TANC2: variants seen among roughly 807,000 people sequenced by gnomAD.
TANC2 encodes the protein protein TANC2.
In TANC2, 26 loss-of-function variants were observed where a neutral mutation model predicts 210.5. The observed-to-expected ratio is 0.12, with a 90% CI of 0.09 to 0.17. The LOEUF (loss-of-function observed/expected upper bound fraction) is 0.17. Ranked by LOEUF, TANC2 falls within the 10% of genes least tolerant of loss-of-function variation. TANC2 has a pLI of 1.00. For synonymous variants in TANC2, 931 were observed against 967.1 expected (o/e 0.96, Z 0.69); for missense variants, 2,129 against 2,608.9 (o/e 0.82, Z 4.01).
intron 11 of TANC2, among the ~76,000 whole-genome samples, chr17:63,328,920 A>C (rs553498754): frequency 6.6e-6 from 1 of 152,260 alleles, no homozygotes; most frequent in South Asian, 2.1e-4. Flanking sequence ...ATGATTAGTC[A>C]ATCAAACATA....
intron 2 of TANC2, among the ~76,000 whole-genome samples, chr17:63,041,184 G>GA (rs1360121843): frequency 2.7e-5 from 4 of 150,254 alleles, no homozygotes; most frequent in South Asian, 2.1e-4. Flanking sequence ...TCCCCAAAAA[G>GA]AAAAAAAAAT....
At chr17:63,066,805 C>T (rs1188547065) in intron 2 of TANC2, among the ~76,000 whole-genome samples, 1 of 151,590 alleles carries the variant, frequency 6.6e-6, no homozygotes, top group African/African-American at 2.4e-5. Flanking sequence ...TCATGAAGTA[C>T]ATGCAGAGCA....
At chr17:63,183,852 C>T (rs912268741) in intron 5 of TANC2, among the ~76,000 whole-genome samples, 3 of 151,956 alleles carry the variant, frequency 2.0e-5, no homozygotes, top group South Asian at 4.2e-4. Flanking sequence ...CCCATCTCTA[C>T]GAAAAATACA....
chr17:63,376,316 G>A (rs559901378), intron 14 of TANC2, among the ~76,000 whole-genome samples: 224 of 152,040 alleles, frequency 1.5e-3, no homozygotes, highest in African/African-American at 5.0e-3. Context: ...GGTGGCAGGC[G>A]CCTGTAGTCC....
intron 2 of TANC2, among the ~76,000 whole-genome samples, chr17:63,073,594 A>G (rs1299118190): frequency 6.6e-6 from 1 of 152,220 alleles, no homozygotes; most frequent in African/African-American, 2.4e-5. Context: ...AGCAGCTGTA[A>G]TTAATTTAAA....
chr17:63,178,869 G>A (rs1033190469), intron 5 of TANC2, among the ~76,000 whole-genome samples: 4 of 152,120 alleles, frequency 2.6e-5, no homozygotes, highest in South Asian at 2.1e-4. Context: ...TTAGGAATTT[G>A]GATACATTGG....
At chr17:63,170,412 G>A (rs2040363986) in intron 5 of TANC2, among the ~76,000 whole-genome samples, 1 of 150,724 alleles carries the variant, frequency 6.6e-6, no homozygotes, top group Admixed American at 6.6e-5. Flanking sequence ...TCACAGCCTG[G>A]GCAACAGAGC....
chr17:63,086,491 G>C (rs553774625), intron 3 of TANC2, among the ~76,000 whole-genome samples: 2 of 152,052 alleles, frequency 1.3e-5, no homozygotes, highest in Non-Finnish European at 2.9e-5. Flanking sequence ...GCCATTAAAG[G>C]CATTCTTAAT....
chr17:62,988,794 A>C (rs954454371), intron 1 of TANC2, among the ~76,000 whole-genome samples: 5 of 152,202 alleles, frequency 3.3e-5, no homozygotes, highest in African/African-American at 1.2e-4. Context: ...GCACTCAGGT[A>C]TGGCTTTGAA....
At chr17:62,967,394 G>A (rs925250264) in intron 1 of TANC2, 2 of 152,158 alleles carry the variant, frequency 1.3e-5, no homozygotes, top group African/African-American at 2.4e-5. Flanking sequence ...ATAATTCCAG[G>A]TTTTGCCATC....
At chr17:63,142,539 G>T (rs2039325452) in intron 4 of TANC2, among the ~76,000 whole-genome samples, 1 of 152,014 alleles carries the variant, frequency 6.6e-6, no homozygotes, top group Non-Finnish European at 1.5e-5. Flanking sequence ...TCTTTTCAAA[G>T]AATTAAATTC....
At chr17:63,397,839 T>G (rs1002089672) in intron 18 of TANC2, among the ~76,000 whole-genome samples, 1 of 152,264 alleles carries the variant, frequency 6.6e-6, no homozygotes, top group African/African-American at 2.4e-5. Context: ...TTTATTTAAT[T>G]GCTATTTGAT....
chr17:63,350,873 A>AG (rs1349514056), intron 12 of TANC2, among the ~76,000 whole-genome samples: 8 of 102,028 alleles, frequency 7.8e-5, no homozygotes, highest in Non-Finnish European at 1.5e-4. Flanking sequence ...GCTGTCAGAT[A>AG]GGGAAAAAAA....
chr17:63,332,599 T>C (rs2045894245), intron 11 of TANC2: 3 of 245,596 alleles, frequency 1.2e-5, no homozygotes, highest in Non-Finnish European at 2.4e-5. Context: ...CTATGGCCAG[T>C]TGAAGTGACA....
intron 7 of TANC2, among the ~76,000 whole-genome samples, chr17:63,229,000 T>G (rs1193533923): frequency 6.6e-6 from 1 of 152,340 alleles, no homozygotes; most frequent in Non-Finnish European, 1.5e-5. Flanking sequence ...CATCCTTGTC[T>G]TGTGCCGGTT....
intron 7 of TANC2, among the ~76,000 whole-genome samples, chr17:63,213,067 AAT>A (rs1408000510): frequency 6.6e-6 from 1 of 152,216 alleles, no homozygotes; most frequent in Non-Finnish European, 1.5e-5. Flanking sequence ...GTCACCAATA[AAT>A]ATGTGATTAT....
chr17:63,275,738 T>C (rs1230608395), intron 9 of TANC2, among the ~76,000 whole-genome samples: 1 of 152,162 alleles, frequency 6.6e-6, no homozygotes, highest in African/African-American at 2.4e-5. Context: ...CATAACTTCC[T>C]ATAGTAAATA....
chr17:63,329,881 T>C (rs2146702075), intron 11 of TANC2, among the ~76,000 whole-genome samples: 1 of 152,274 alleles, frequency 6.6e-6, no homozygotes, highest in Admixed American at 6.5e-5. Context: ...TCTCTCACAT[T>C]AAATCAAAAG....
intron 25 of TANC2, among the ~76,000 whole-genome samples, chr17:63,414,812 T>G (rs551532341): frequency 3.3e-5 from 5 of 152,174 alleles, no homozygotes; most frequent in Non-Finnish European, 7.3e-5. Context: ...AGCTTATAGA[T>G]TTTCAGATAC....
Sources: allele counts gnomAD v4.1 joint callset (sites outside exome capture counted in the v4.1 genomes callset), GRCh38; gene constraint gnomAD v4.1.1; transcripts MANE v1.5; gene names NCBI Gene and HGNC (gene_info 2026-07-23, HGNC 2026-07-21).